Variants in NRCAM observed in about 807,000 individuals in gnomAD.
NRCAM encodes the protein neuronal cell adhesion molecule, also known as NgCAM-related cell adhesion molecule.
NRCAM carries 83 observed loss-of-function variants against 156.5 expected under a neutral mutation model. The observed-to-expected ratio is 0.53, with a 90% CI of 0.44 to 0.64. The LOEUF (loss-of-function observed/expected upper bound fraction) is 0.64, where lower values mean the gene tolerates loss of function less well. Among genes scored for constraint, NRCAM ranks in the 30% least tolerant of loss-of-function variants. NRCAM has a pLI of 0.00. For synonymous variants in NRCAM, 538 were observed against 563.9 expected (o/e 0.95, Z 0.65); for missense variants, 1,417 against 1,597.3 (o/e 0.89, Z 1.92).
At chr7:108,350,709 T>C (rs1424407570) in intron 2 of NRCAM, among the ~76,000 whole-genome samples, 4 of 152,252 alleles carry the variant, frequency 2.6e-5, no homozygotes, top group Non-Finnish European at 5.9e-5. Context: ...AGAGTTTGTT[T>C]TGGGGATAAT....
At chr7:108,242,730 T>G (rs924758011) in intron 3 of NRCAM, among the ~76,000 whole-genome samples, 1 of 152,196 alleles carries the variant, frequency 6.6e-6, no homozygotes, top group South Asian at 2.1e-4. Flanking sequence ...ATTATTGGAC[T>G]TAAGTGCCAA....
At chr7:108,309,709 T>C (rs1280406241) in intron 3 of NRCAM, among the ~76,000 whole-genome samples, 3 of 151,968 alleles carry the variant, frequency 2.0e-5, no homozygotes, top group Non-Finnish European at 4.4e-5. Flanking sequence ...ATGCAAAAAG[T>C]AGCCAGGCAT....
At chr7:108,435,071 G>A (rs1369577373) in intron 1 of NRCAM, among the ~76,000 whole-genome samples, 2 of 150,934 alleles carry the variant, frequency 1.3e-5, no homozygotes, top group Admixed American at 6.6e-5. Flanking sequence ...TCCCTGAGCA[G>A]TCCTAAACAG....
At chr7:108,418,530 G>A (rs117110172) in intron 1 of NRCAM, among the ~76,000 whole-genome samples, 4,344 of 149,024 alleles carry the variant, frequency 0.029, 99 homozygotes, top group African/African-American at 0.067. Context: ...GGCTGGGAAG[G>A]GAGAGGTCTT....
At chr7:108,357,957 G>A (rs533184133) in intron 2 of NRCAM, among the ~76,000 whole-genome samples, 2 of 152,232 alleles carry the variant, frequency 1.3e-5, no homozygotes, top group East Asian at 3.9e-4. Flanking sequence ...GGGAGGGTGG[G>A]GAAGCCCTTT....
intron 4 of NRCAM, among the ~76,000 whole-genome samples, chr7:108,239,311 A>T (rs763255220): frequency 1.6e-4 from 24 of 152,188 alleles, no homozygotes; most frequent in Non-Finnish European, 2.6e-4. Context: ...TATTTTTAGC[A>T]GTTGCATTTT....
At chr7:108,340,229 C>T (rs2099260365) in intron 2 of NRCAM, among the ~76,000 whole-genome samples, 1 of 152,154 alleles carries the variant, frequency 6.6e-6, no homozygotes, top group Non-Finnish European at 1.5e-5. Flanking sequence ...AAATAATGAA[C>T]CAAAGAGTGC....
chr7:108,162,162 C>A (rs1380760302), intron 30 of NRCAM, among the ~76,000 whole-genome samples: 6 of 152,204 alleles, frequency 3.9e-5, no homozygotes, highest in African/African-American at 9.6e-5. Flanking sequence ...GTTGGAGCAA[C>A]CTGTGTCTGA....
At chr7:108,317,294 G>C (rs1052871106) in intron 2 of NRCAM, among the ~76,000 whole-genome samples, 3 of 152,128 alleles carry the variant, frequency 2.0e-5, no homozygotes, top group Admixed American at 6.5e-5. Flanking sequence ...ATGAAATATT[G>C]TTCTCACTGG....
At position 108,194,330 on chromosome 7, in the gene NRCAM, C is replaced by T. The variant is rs1208130847; in HGVS notation, c.1562G>A (p.Gly521Glu). Residue 521 changes from glycine (G) to glutamate (E), a missense_variant, in exon 16 of 33, where the codon GGA becomes GAA. Coordinates refer to ENST00000379028, the MANE Select transcript of NRCAM (RefSeq NM_001037132.4). ...ATTCCTTGCAACACACGTATAAGTT[C>T]CTGTACTGTCCTTTTGGGCCACAGG... ...EIPVAQKDST[G>E]TYTCVARNKL... The T allele has an allele frequency of 2.5e-6, 4 of 1,613,594 alleles. No homozygotes were observed. In the African/African-American group the frequency reaches 5.3e-5, roughly 22 times the overall value.
chr7:108,447,269 T>C (rs1378629638), intron 1 of NRCAM, among the ~76,000 whole-genome samples: 4 of 144,472 alleles, frequency 2.8e-5, no homozygotes, highest in African/African-American at 7.7e-5. Context: ...CTTTTTTTTT[T>C]TTTTTTTTTT....
intron 2 of NRCAM, among the ~76,000 whole-genome samples, chr7:108,351,709 T>A (rs1163516316): frequency 6.6e-6 from 1 of 152,014 alleles, no homozygotes; most frequent in East Asian, 1.9e-4. Flanking sequence ...TAGAGATTTA[T>A]TAAGATGAAA....
chr7:108,403,219 A>C (rs1241666527), intron 1 of NRCAM, among the ~76,000 whole-genome samples: 1 of 152,200 alleles, frequency 6.6e-6, no homozygotes, highest in Non-Finnish European at 1.5e-5. Context: ...AAACAAGTGA[A>C]GCCTTTATTT....
At chr7:108,257,340 A>G (rs1023719836) in intron 3 of NRCAM, among the ~76,000 whole-genome samples, 1 of 152,348 alleles carries the variant, frequency 6.6e-6, no homozygotes, top group East Asian at 1.9e-4. Context: ...TTTGTGGTAT[A>G]TAAGTTATAC....
chr7:108,348,143 G>A (rs1376758194), intron 2 of NRCAM, among the ~76,000 whole-genome samples: 1 of 152,236 alleles, frequency 6.6e-6, no homozygotes, highest in African/African-American at 2.4e-5. Context: ...TTTGTGATGT[G>A]TCGTATCTCC....
rs187185571 is a variant in NRCAM, at chr7:108,281,194, C to T, written c.-107+31471G>A. Among the ~76,000 whole-genome samples the T allele has an allele frequency of 4.9e-3, 750 of 152,118 alleles. 3 individuals are homozygous for T. Among genetic ancestry groups the T allele is most frequent in the Non-Finnish European group, 8.1e-3 (549 of 67,972 alleles). On this transcript the variant is annotated intron_variant, in intron 3 of 32. Coordinates refer to ENST00000379028, the MANE Select transcript of NRCAM (RefSeq NM_001037132.4). ...TGATGAAATGAGCAAAATTCAATACCTGAGTAATTTCTTGTCTTCAATTAT... is the reference window on the plus strand; with the variant it reads ...TGATGAAATGAGCAAAATTCAATACTTGAGTAATTTCTTGTCTTCAATTAT...
At chr7:108,205,947 T>C (rs1301689894) in intron 13 of NRCAM, among the ~76,000 whole-genome samples, 1 of 152,180 alleles carries the variant, frequency 6.6e-6, no homozygotes, top group East Asian at 1.9e-4. Context: ...CATATTCCCC[T>C]GAGAGTAGCA....
At chr7:108,352,610 ATGTTTTT>A (rs2099424029) in intron 2 of NRCAM, among the ~76,000 whole-genome samples, 1 of 152,214 alleles carries the variant, frequency 6.6e-6, no homozygotes, top group African/African-American at 2.4e-5. Context: ...ACATACAGAA[ATGTTTTT>A]TACTTATTTT....
intron 13 of NRCAM, among the ~76,000 whole-genome samples, chr7:108,204,391 G>T (rs973211551): frequency 1.4e-4 from 21 of 152,332 alleles, no homozygotes; most frequent in African/African-American, 5.1e-4. Flanking sequence ...AAGGCCAGGG[G>T]CAGGGCACAG....
Sources: allele counts gnomAD v4.1 joint callset (sites outside exome capture counted in the v4.1 genomes callset), GRCh38; gene constraint gnomAD v4.1.1; transcripts MANE v1.5; gene names NCBI Gene and HGNC (gene_info 2026-07-23, HGNC 2026-07-21).